RNF38: variants seen among roughly 807,000 people sequenced by gnomAD.
RNF38 encodes the protein E3 ubiquitin-protein ligase RNF38.
In RNF38, 15 loss-of-function variants were observed where a neutral mutation model predicts 67.2. That is an observed-to-expected ratio of 0.22 (90% CI 0.15 to 0.34). RNF38 has a LOEUF of 0.34. Ranked by LOEUF, RNF38 falls within the 10% of genes least tolerant of loss-of-function variation. The probability of loss-of-function intolerance (pLI) is 1.00; values close to 1 mark genes in which losing one functional copy is unlikely to be tolerated. For missense variants in RNF38, 524 were observed against 639.9 expected, an observed-to-expected ratio of 0.82 and a Z score of 1.95; for synonymous variants, 220 against 218.8, an observed-to-expected ratio of 1.01 and a Z score of -0.05.
intron 10 of RNF38, among the ~76,000 whole-genome samples, chr9:36,342,706 T>A (rs912005157): frequency 2.0e-5 from 3 of 152,096 alleles, no homozygotes; most frequent in Non-Finnish European, 2.9e-5. Flanking sequence ...GATGTCCACA[T>A]ACAAAAGAAT....
intron 2 of RNF38, among the ~76,000 whole-genome samples, chr9:36,379,025 C>T (rs1477868473): frequency 3.9e-5 from 6 of 151,908 alleles, no homozygotes; most frequent in East Asian, 3.9e-4. Context: ...CTCAGTCTCC[C>T]GAGTAGCTGG....
intron 4 of RNF38, among the ~76,000 whole-genome samples, chr9:36,361,730 G>A (rs1834551594): frequency 6.6e-6 from 1 of 152,160 alleles, no homozygotes; most frequent in South Asian, 2.1e-4. Flanking sequence ...GCCATCAAGG[G>A]AGTTGGTGAT....
chr9:36,468,401 C>T (rs945370765), intron 1 of RNF38, among the ~76,000 whole-genome samples: 2 of 152,164 alleles, frequency 1.3e-5, no homozygotes, highest in Non-Finnish European at 2.9e-5. Flanking sequence ...CCCTTCAATC[C>T]AGAGGGCCTA....
chr9:36,430,607 A>G (rs892803078), intron 1 of RNF38, among the ~76,000 whole-genome samples: 3 of 152,160 alleles, frequency 2.0e-5, no homozygotes, highest in African/African-American at 7.2e-5. Context: ...ATGTGTGGAG[A>G]TATAAGAGGA....
intron 1 of RNF38, among the ~76,000 whole-genome samples, chr9:36,453,339 C>T (rs570299395): frequency 1.3e-5 from 2 of 152,116 alleles, no homozygotes; most frequent in East Asian, 3.9e-4. Flanking sequence ...CTCAGCTTCT[C>T]CAGTAGCTGG....
At chr9:36,375,802 G>A (rs1361941778) in intron 3 of RNF38, 132 bp downstream of exon 3, 5 of 753,504 alleles carry the variant, frequency 6.6e-6, no homozygotes, top group Middle Eastern at 2.8e-4. Flanking sequence ...TTTCTTTTTC[G>A]TGAGTGAATG....
chr9:36,407,015 A>C (rs865975047), intron 2 of RNF38, among the ~76,000 whole-genome samples: 66 of 152,194 alleles, frequency 4.3e-4, no homozygotes, highest in East Asian at 5.8e-4. Context: ...TACAAAAAAA[A>C]CCCAAAAAAC....
chr9:36,469,839 G>A (rs370775200), intron 1 of RNF38, among the ~76,000 whole-genome samples: 91 of 152,146 alleles, frequency 6.0e-4, no homozygotes, highest in African/African-American at 2.0e-3. Context: ...TTAGCCGGGA[G>A]TAGTGGCACC....
At chr9:36,425,980 G>A (rs1313768328) in intron 1 of RNF38, among the ~76,000 whole-genome samples, 1 of 152,172 alleles carries the variant, frequency 6.6e-6, no homozygotes, top group Non-Finnish European at 1.5e-5. Flanking sequence ...GCAGGCGTGA[G>A]CCACCCACCT....
At chr9:36,451,506 T>TTTG (rs1839444999) in intron 1 of RNF38, among the ~76,000 whole-genome samples, 1 of 141,474 alleles carries the variant, frequency 7.1e-6, no homozygotes, top group African/African-American at 2.6e-5. Flanking sequence ...TTTTTTTTTT[T>TTTG]TTTTTTTTTT....
intron 1 of RNF38, among the ~76,000 whole-genome samples, chr9:36,454,580 C>CTTTT (rs377679133): frequency 3.0e-4 from 34 of 112,452 alleles, no homozygotes; most frequent in East Asian, 7.8e-4. Context: ...CATTAATTTA[C>CTTTT]TTTTTTTTTT....
chr9:36,345,468 T>G (rs910762235), intron 9 of RNF38, among the ~76,000 whole-genome samples: 1 of 152,202 alleles, frequency 6.6e-6, no homozygotes, highest in Non-Finnish European at 1.5e-5. Context: ...CAGGATGTTT[T>G]GCAGCATTCC....
At position 36,339,849 on chromosome 9, in the gene RNF38, G is replaced by C. The variant is rs1554675857; in HGVS notation, c.1486-35C>G. On this transcript the variant is annotated intron_variant, in intron 11 of 11. Transcript: ENST00000259605. The stretch of plus-strand genomic sequence containing the variant: ...AAAAAGGAAAACTTGTTTAAATTGT[G>C]ACACATACAATGAAACACATTCAAA... 6 of 1,535,338 alleles carry C rather than the reference G, an allele frequency of 3.9e-6. No individual in the cohort carries two copies. In the Admixed American group the frequency reaches 6.9e-5, roughly 18 times the overall value.
At chr9:36,447,674 G>A (rs867676725) in intron 1 of RNF38, among the ~76,000 whole-genome samples, 7 of 152,004 alleles carry the variant, frequency 4.6e-5, no homozygotes, top group South Asian at 4.2e-4. Context: ...AGCTGTCTTA[G>A]GATACTTGGT....
chr9:36,394,642 A>G (rs1837388233), intron 1 of RNF38, among the ~76,000 whole-genome samples: 1 of 152,230 alleles, frequency 6.6e-6, no homozygotes, highest in Non-Finnish European at 1.5e-5. Flanking sequence ...TACACTGAAC[A>G]TCAGGTTTAA....
chr9:36,460,956 T>TAATTCCAA (rs1839719255), intron 1 of RNF38, among the ~76,000 whole-genome samples: 1 of 149,518 alleles, frequency 6.7e-6, no homozygotes, highest in South Asian at 2.1e-4. Flanking sequence ...CTCACAACTG[T>TAATTCCAA]AATTCCAACA....
At chr9:36,383,879 C>A (rs1433913836) in intron 2 of RNF38, among the ~76,000 whole-genome samples, 1 of 151,814 alleles carries the variant, frequency 6.6e-6, no homozygotes, top group Non-Finnish European at 1.5e-5. Context: ...GAAAGGCACT[C>A]TAGTAGTATA....
At chr9:36,355,830 C>A (rs1834059218) in intron 6 of RNF38, among the ~76,000 whole-genome samples, 2 of 151,938 alleles carry the variant, frequency 1.3e-5, no homozygotes, top group Non-Finnish European at 2.9e-5. Flanking sequence ...CAGAAGAATG[C>A]CTAAGTTATT....
At chr9:36,487,305 T>C in intron 1 of RNF38, 4 of 985,092 alleles carry the variant, frequency 4.1e-6, no homozygotes, top group Non-Finnish European at 4.8e-6. Flanking sequence ...CGGGACCCCG[T>C]ACCTGCTCCC....
Sources: allele counts gnomAD v4.1 joint callset (sites outside exome capture counted in the v4.1 genomes callset), GRCh38; gene constraint gnomAD v4.1.1; transcripts MANE v1.5; gene names NCBI Gene and HGNC (gene_info 2026-07-23, HGNC 2026-07-21).